The following STK3 variants were observed in gnomAD, a reference collection of about 807,000 sequenced individuals.
STK3 encodes the protein serine/threonine-protein kinase 3.
Under a neutral mutation model 58.0 loss-of-function variants are expected in STK3, and 41 were observed. The ratio of observed to expected loss-of-function variants is 0.71; its 90% confidence interval spans 0.55 to 0.92. The LOEUF (loss-of-function observed/expected upper bound fraction) is 0.92, where lower values mean the gene tolerates loss of function less well. Among genes scored for constraint, STK3 ranks in the 40% least tolerant of loss-of-function variants. The probability of loss-of-function intolerance (pLI) is 0.00; values close to 1 mark genes in which losing one functional copy is unlikely to be tolerated. For synonymous variants in STK3, 170 were observed against 191.0 expected, an observed-to-expected ratio of 0.89 and a Z score of 0.91; for missense variants, 479 against 602.7, an observed-to-expected ratio of 0.79 and a Z score of 2.15.
At chr8:98,835,938 C>T (rs1285754311) in intron 3 of STK3, among the ~76,000 whole-genome samples, 2 of 152,196 alleles carry the variant, frequency 1.3e-5, no homozygotes, top group Non-Finnish European at 2.9e-5. Context: ...TGGTGGTTCA[C>T]GCCTGTAACC....
At chr8:98,845,181 T>C (rs1051325338) in intron 3 of STK3, among the ~76,000 whole-genome samples, 4 of 152,232 alleles carry the variant, frequency 2.6e-5, no homozygotes, top group African/African-American at 9.6e-5. Flanking sequence ...CTACTAGCTA[T>C]ACCGACTTAT....
At chr8:98,923,854 T>TGTGCGCGCGC (rs1491486943) in intron 1 of STK3, among the ~76,000 whole-genome samples, 2 of 113,620 alleles carry the variant, frequency 1.8e-5, no homozygotes, top group African/African-American at 6.8e-5. Flanking sequence ...TGTGTGTGTG[T>TGTGCGCGCGC]GCGCGCGCGC....
intron 6 of STK3, among the ~76,000 whole-genome samples, chr8:98,670,467 T>C (rs1383483621): frequency 3.9e-5 from 6 of 152,182 alleles, no homozygotes; most frequent in African/African-American, 1.4e-4. Flanking sequence ...TAATATAACA[T>C]CTTTAGGCTC....
At chr8:98,803,820 G>C (rs1587665640) in intron 1 of STK3, among the ~76,000 whole-genome samples, 1 of 152,038 alleles carries the variant, frequency 6.6e-6, no homozygotes, top group African/African-American at 2.4e-5. Context: ...TACTGAATTT[G>C]TAGACAATAA....
rs141813316 is a variant in STK3 at position 98,693,701 on chromosome 8, C to A, written c.684+12766G>T. Among the ~76,000 whole-genome samples the A allele has an allele frequency of 7.2e-5, 11 of 152,264 alleles. No individual in the cohort carries two copies. In the East Asian group the frequency reaches 1.9e-3, roughly 27 times the overall value. ...AGGTGGTGTCAGACAAACACAGGTG[C>A]ACATACACTAAGACATCCAAGGTAT... On this transcript the variant is annotated intron_variant, in intron 6 of 10. Coordinates refer to ENST00000419617, the MANE Select transcript of STK3 (RefSeq NM_006281.4).
At chr8:98,644,017 CAAT>C (rs1820216378) in intron 6 of STK3, among the ~76,000 whole-genome samples, 1 of 151,954 alleles carries the variant, frequency 6.6e-6, no homozygotes, top group African/African-American at 2.4e-5. Flanking sequence ...CCCAACTCAA[CAAT>C]AATAATAACA....
chr8:98,516,138 A>G (rs1453480462), intron 10 of STK3, among the ~76,000 whole-genome samples: 1 of 152,134 alleles, frequency 6.6e-6, no homozygotes, highest in Non-Finnish European at 1.5e-5. Context: ...TTTCCAACTT[A>G]AAACAGCCTC....
intron 6 of STK3, among the ~76,000 whole-genome samples, chr8:98,606,610 A>C (rs1035858646): frequency 2.0e-5 from 3 of 152,222 alleles, no homozygotes; most frequent in Middle Eastern, 3.2e-3. Flanking sequence ...GACTGAGCTC[A>C]AACAAATGGC....
intron 3 of STK3, among the ~76,000 whole-genome samples, chr8:98,756,021 T>C (rs997253957): frequency 4.6e-5 from 7 of 151,926 alleles, no homozygotes; most frequent in Non-Finnish European, 1.0e-4. Context: ...CAGGGGCCTA[T>C]AATCCCAGCT....
intron 3 of STK3, among the ~76,000 whole-genome samples, chr8:98,423,711 C>T (rs973035021): frequency 6.6e-6 from 1 of 152,210 alleles, no homozygotes; most frequent in African/African-American, 2.4e-5. Flanking sequence ...CCCAACTGTT[C>T]CTCACAGTGG....
At chr8:98,582,622 G>C (rs1442545465) in intron 7 of STK3, among the ~76,000 whole-genome samples, 1 of 151,714 alleles carries the variant, frequency 6.6e-6, no homozygotes, top group Non-Finnish European at 1.5e-5. Context: ...TTTTTACTTT[G>C]TTTTTCCCTC....
At chr8:98,454,394 C>T (rs1819345260), downstream of STK3, among the ~76,000 whole-genome samples, 1 of 152,148 alleles carries the variant, frequency 6.6e-6, no homozygotes, top group South Asian at 2.1e-4. Context: ...CCACAGATAT[C>T]TCAGATGGTT....
At chr8:98,787,435 T>C (rs1832542409) in intron 1 of STK3, among the ~76,000 whole-genome samples, 1 of 151,962 alleles carries the variant, frequency 6.6e-6, no homozygotes, top group South Asian at 2.1e-4. Flanking sequence ...TCTGGGATTA[T>C]GTTAAACGAC....
intron 1 of STK3, among the ~76,000 whole-genome samples, chr8:98,812,178 GT>G (rs1462804753): frequency 2.6e-5 from 4 of 151,944 alleles, no homozygotes; most frequent in East Asian, 1.9e-4. Context: ...TTTAGCAAAT[GT>G]TTAGCTCTGA....
intron 3 of STK3, among the ~76,000 whole-genome samples, chr8:98,837,609 A>T (rs1022421974): frequency 1.3e-5 from 2 of 152,206 alleles, no homozygotes; most frequent in African/African-American, 4.8e-5. Flanking sequence ...AAGCCCTTTC[A>T]TAGTGAGTCT....
At chr8:98,699,767 C>A (rs1042446531) in intron 6 of STK3, among the ~76,000 whole-genome samples, 5 of 152,182 alleles carry the variant, frequency 3.3e-5, no homozygotes, top group African/African-American at 1.2e-4. Context: ...TGTCAGTCTG[C>A]CCCTACTTGG....
At position 98,790,428 on chromosome 8, in the gene STK3, G is replaced by A. The variant is rs138398645; in HGVS notation, c.27-15609C>T. 1.9e-3 allele frequency among the ~76,000 whole-genome samples: 284 copies of A among 152,260 alleles called. 1 individual carries two copies. The highest frequency in any genetic ancestry group is 6.8e-3 in the Middle Eastern group (2 of 294). On this transcript the variant is annotated intron_variant, in intron 1 of 10. Transcript: ENST00000419617. ...AATCGAACACGAAAATCACATGATC[G>A]TCTCAACAGATGCAGAAAAGCATTC... is the stretch of plus-strand genomic sequence containing the variant.
chr8:98,923,077 G>A (rs942061019), intron 1 of STK3, among the ~76,000 whole-genome samples: 1 of 152,156 alleles, frequency 6.6e-6, no homozygotes, highest in Admixed American at 6.5e-5. Flanking sequence ...TTTGATGTTT[G>A]AAACTTTTAA....
At chr8:98,870,735 G>C (rs1365734718) in intron 3 of STK3, among the ~76,000 whole-genome samples, 1 of 152,158 alleles carries the variant, frequency 6.6e-6, no homozygotes, top group East Asian at 1.9e-4. Context: ...GTAGATTCTG[G>C]ATATTAGCCC....
Sources: gnomAD v4.1 joint callset for allele counts (sites outside exome capture counted in the v4.1 genomes callset) on GRCh38, gnomAD v4.1.1 for gene constraint, MANE v1.5 for transcripts, NCBI Gene and HGNC (gene_info 2026-07-23, HGNC 2026-07-21) for gene names.